The following NFATC2 variants were observed in gnomAD, a reference collection of about 807,000 sequenced individuals.
NFATC2 encodes the protein nuclear factor of activated T cells 2, also known as nuclear factor of activated T-cells, cytoplasmic 2.
In NFATC2, 22 loss-of-function variants were observed where a neutral mutation model predicts 87.3. The observed-to-expected ratio is 0.25, with a 90% CI of 0.18 to 0.36. The LOEUF (loss-of-function observed/expected upper bound fraction) is 0.36, where lower values mean the gene tolerates loss of function less well. NFATC2 is among the 10% of genes least tolerant of loss of function. The pLI is 1.00. For missense variants in NFATC2, 1,149 were observed against 1,259.1 expected (o/e 0.91, Z 1.32); for synonymous variants, 565 against 542.2 (o/e 1.04, Z -0.58).
In NFATC2 at chr20:51,523,101, C is replaced by G. The variant is rs144416349; in HGVS notation, c.1140G>C (p.Val380=). 4.3e-6 allele frequency: 7 copies of G among 1,614,128 alleles called. No individual in the cohort carries two copies. Among genetic ancestry groups the G allele is most frequent in the Non-Finnish European group, 5.9e-6 (7 of 1,180,058 alleles). Residue 380 remains valine (V), a synonymous_variant, in exon 2 of 11, where the codon GTG becomes GTC. Coordinates refer to ENST00000371564, the MANE Select transcript of NFATC2 (RefSeq NM_012340.5). The surrounding 1 kb of genome is among the most constrained non-coding windows in gnomAD (Gnocchi z 6.9). ...LVPPTWPKPL[V]PAIPICSIPV... is the part of the protein sequence containing the mutation. The stretch of plus-strand genomic sequence containing the variant: ...CTCACCTGCAGATGGGAATGGCAGG[C>G]ACCAGCGGCTTGGGCCAAGTGGGCG...
intron 1 of NFATC2, among the ~76,000 whole-genome samples, chr20:51,537,340 G>A (rs1251006173): frequency 6.6e-6 from 1 of 152,104 alleles, no homozygotes; most frequent in East Asian, 1.9e-4. Flanking sequence ...TCGTGTGTGT[G>A]TCTATAGAAT....
chr20:51,562,421 G>T lies in NFATC2; in HGVS notation c.70+139C>A. On this transcript the variant is annotated intron_variant, in intron 1 of 10. Transcript: ENST00000414705. This position sits in a 1 kb window ranked among gnomAD's most constrained non-coding sequence, Gnocchi z 5.8. ...CCCCTCCGCGGGCCCCGCTACCTGT[G>T]CGCCGAGGGCGAGCGGGGTCCCCAG... The T allele has an allele frequency of 1.4e-6, 1 of 734,864 alleles. No individual in the cohort carries two copies. The highest frequency in any genetic ancestry group is 2.2e-6 in the Non-Finnish European group (1 of 458,890). The allele number at this position is 734,864 out of a possible 1,614,324, so 45.5% of individuals were successfully genotyped here.
At chr20:51,496,173 G>A (rs1267806580) in intron 3 of NFATC2, among the ~76,000 whole-genome samples, 1 of 152,122 alleles carries the variant, frequency 6.6e-6, no homozygotes, top group East Asian at 1.9e-4. Flanking sequence ...GAGGATCGAA[G>A]CGCAGCTGTT....
chr20:51,446,716 C>A (rs992226107), intron 6 of NFATC2, among the ~76,000 whole-genome samples: 2 of 152,218 alleles, frequency 1.3e-5, no homozygotes, highest in African/African-American at 4.8e-5. Context: ...AAAACGAGAC[C>A]ATTTTCTCTA....
intron 9 of NFATC2, among the ~76,000 whole-genome samples, chr20:51,422,520 G>A (rs1193924810): frequency 1.3e-5 from 2 of 150,538 alleles, no homozygotes; most frequent in Non-Finnish European, 2.9e-5. Context: ...AAATGCAGCA[G>A]AGAAGAGCCA....
intron 9 of NFATC2, among the ~76,000 whole-genome samples, chr20:51,409,897 A>T (rs1978923842): frequency 6.6e-6 from 1 of 152,254 alleles, no homozygotes; most frequent in Non-Finnish European, 1.5e-5. Flanking sequence ...CCTTGAGTCC[A>T]GAGTCAAACA....
chr20:51,405,929 A>G (rs1476460571), intron 9 of NFATC2, among the ~76,000 whole-genome samples: 1 of 152,184 alleles, frequency 6.6e-6, no homozygotes, highest in African/African-American at 2.4e-5. Context: ...GGTGTCCGCC[A>G]CCATGCCCGG....
intron 6 of NFATC2, among the ~76,000 whole-genome samples, chr20:51,445,237 G>A (rs530773455): frequency 2.6e-5 from 4 of 152,008 alleles, no homozygotes; most frequent in East Asian, 1.9e-4. Context: ...TCACTCTCAC[G>A]ACGCACCAGC....
At chr20:51,529,752 AT>A (rs907960462) in intron 1 of NFATC2, among the ~76,000 whole-genome samples, 58 of 150,034 alleles carry the variant, frequency 3.9e-4, no homozygotes, top group Admixed American at 4.7e-4. Context: ...TCACTCACTT[AT>A]TTTTTTTTTA....
At chr20:51,514,383 G>A (rs561800791) in intron 3 of NFATC2, among the ~76,000 whole-genome samples, 1 of 152,352 alleles carries the variant, frequency 6.6e-6, no homozygotes, top group South Asian at 2.1e-4. Flanking sequence ...TTTGTTGAGT[G>A]CCTGCTATGT....
At chr20:51,439,522 C>T (rs552341276) in intron 6 of NFATC2, among the ~76,000 whole-genome samples, 19 of 152,344 alleles carry the variant, frequency 1.2e-4, no homozygotes, top group Non-Finnish European at 2.4e-4. Context: ...TTCCTCGGGA[C>T]GCCCCAAAGT....
rs749828104 is a variant in NFATC2, at chr20:51,523,435, G to A, written c.806C>T (p.Pro269Leu). The change falls in exon 2 of 11, where the codon CCC becomes CTC. Residue 269 changes from proline (P) to leucine (L), a missense_variant. Coordinates refer to ENST00000371564, the MANE Select transcript of NFATC2 (RefSeq NM_012340.5). The surrounding 1 kb of genome is among the most constrained non-coding windows in gnomAD (Gnocchi z 6.9). The part of the protein sequence containing the change: ...ALVALPPGAS[P>L]QRSRSPSPQP... ...CGGCGAGGGGCTCCGGGAGCGCTGGGGTGAGGCTCCGGGCGGCAGGGCAAC... is the reference window on the plus strand; with the variant it reads ...CGGCGAGGGGCTCCGGGAGCGCTGGAGTGAGGCTCCGGGCGGCAGGGCAAC... 1.9e-6 allele frequency: 3 copies of A among 1,609,044 alleles called. No individual in the cohort carries two copies. The East Asian group carries it at 6.7e-5, about 36-fold the overall frequency.
intron 1 of NFATC2, among the ~76,000 whole-genome samples, chr20:51,540,431 C>A (rs1262878561): frequency 6.6e-6 from 1 of 152,128 alleles, no homozygotes; most frequent in Non-Finnish European, 1.5e-5. Context: ...AACCAACACT[C>A]CTCAAAACAG....
At chr20:51,422,569 CTTT>C (rs5841843) in intron 9 of NFATC2, among the ~76,000 whole-genome samples, 15 of 140,972 alleles carry the variant, frequency 1.1e-4, no homozygotes, top group Non-Finnish European at 1.8e-4. Context: ...GAAAACCCCT[CTTT>C]TTTTTTTTTT....
intron 5 of NFATC2, among the ~76,000 whole-genome samples, chr20:51,459,014 C>T (rs1230352994): frequency 6.6e-6 from 1 of 152,278 alleles, no homozygotes; most frequent in East Asian, 1.9e-4. Context: ...CAAGTCACTT[C>T]ACCTAAGTCA....
chr20:51,533,165 G>A (rs1461687222), intron 1 of NFATC2, among the ~76,000 whole-genome samples: 2 of 152,206 alleles, frequency 1.3e-5, no homozygotes, highest in South Asian at 4.1e-4. Flanking sequence ...CACTCGCCCC[G>A]ACAACTCTCA....
intron 9 of NFATC2, among the ~76,000 whole-genome samples, chr20:51,419,105 T>C (rs1156623627): frequency 1.3e-5 from 2 of 152,180 alleles, no homozygotes; most frequent in Non-Finnish European, 2.9e-5. Context: ...TGGCACACAG[T>C]AGGGATTCAA....
rs1469607394 is a variant in NFATC2, at chr20:51,432,286, C to T, written c.2503G>A (p.Glu835Lys). The change falls in exon 9 of 11, where the codon GAG becomes AAG. Residue 835 changes from glutamate to lysine, a missense_variant. Glu to Lys is a moderately conservative substitution (Grantham distance 56). Around this residue, in one of 3 missense-constraint regions of NFATC2, gnomAD observed 581 missense variants for 649.7 expected, o/e 0.89. Coordinates refer to ENST00000371564, the MANE Select transcript of NFATC2 (RefSeq NM_012340.5). The surrounding 1 kb of genome is among the most constrained non-coding windows in gnomAD (Gnocchi z 4.6). ...HQEFQHIMYC[E>K]NFAPGTTRPG... ...CTGGTGGTGCCTGGTGCGAAATTCT[C>T]GCAGTACATGATGTGCTGGAACTCC... 3 of 1,614,208 alleles carry T rather than the reference C, an allele frequency of 1.9e-6. No homozygotes were observed. The highest frequency in any genetic ancestry group is 2.2e-5 in the East Asian group (1 of 44,880).
intron 2 of NFATC2, among the ~76,000 whole-genome samples, chr20:51,521,136 T>G (rs916427819): frequency 6.6e-6 from 1 of 152,190 alleles, no homozygotes; most frequent in Non-Finnish European, 1.5e-5. Context: ...ATACAACAAC[T>G]GACATACTGT....
Sources: gnomAD v4.1 joint callset for allele counts (sites outside exome capture counted in the v4.1 genomes callset) on GRCh38, gnomAD v4.1.1 for gene constraint, gnomAD v4.1.1 regional missense constraint, Gnocchi (gnomAD v3.1) non-coding constraint, MANE v1.5 for transcripts, NCBI Gene and HGNC (gene_info 2026-07-23, HGNC 2026-07-21) for gene names.